The following TCF7L2 variants were observed in gnomAD, a reference collection of about 807,000 sequenced individuals.
TCF7L2 encodes transcription factor 7 like 2.
A neutral mutation model predicts 77.9 loss-of-function variants in TCF7L2; 23 were observed. That is an observed-to-expected ratio of 0.30 (90% confidence interval 0.21 to 0.42). The LOEUF is 0.42. Ranked by LOEUF, TCF7L2 falls within the 10% of genes least tolerant of loss-of-function variation. The pLI, the probability that TCF7L2 is intolerant of heterozygous loss-of-function variation, is 1.00. For synonymous variants in TCF7L2, 413 were observed against 340.2 expected, an observed-to-expected ratio of 1.21 and a Z score of -2.36; for missense variants, 654 against 793.1, an observed-to-expected ratio of 0.82 and a Z score of 2.11.
Position 113,126,522 on chromosome 10 carries a change from C to A in TCF7L2, c.553-14662C>A, listed in dbSNP as rs144669665. ...AGGCTTTGTTCTTTTGATTGAATGC[C>A]GGGGTTTGGGGGAAAAAAAGAAGAG... On this transcript the variant is annotated intron_variant, in intron 5 of 13. Coordinates refer to ENST00000627217, the MANE Select transcript of TCF7L2 (RefSeq NM_001146274.2). The A allele has an allele frequency of 1.3e-4, 127 of 977,082 alleles. No individual in the cohort carries two copies. The African/African-American group carries it at 2.1e-3, about 16-fold the overall frequency. The allele number at this position is 977,082 out of a possible 1,614,324, so 60.5% of individuals were successfully genotyped here.
In TCF7L2 at chr10:113,118,664, G is replaced by GT. The variant is rs78459197; in HGVS notation, c.553-22507dup. Among the ~76,000 whole-genome samples the GT allele has an allele frequency of 7.2e-4, 49 of 68,262 alleles. 1 individual carries two copies. In the Middle Eastern group the frequency reaches 0.019, roughly 26 times the overall value. 44.8% of individuals were successfully genotyped at this position (68,262 alleles called of 152,430 possible). Reference sequence around the variant, plus strand: ...GGAAGTTTTTTTTTTGTTTTTTTTTGTTTTTTTTTTTTTGTTTTTTTTATT... The same window carrying GT: ...GGAAGTTTTTTTTTTGTTTTTTTTTGTTTTTTTTTTTTTTGTTTTTTTTATT... On this transcript the variant is annotated intron_variant, in intron 5 of 13. Transcript: ENST00000627217.
In TCF7L2 at chr10:113,165,860, C is replaced by A; in HGVS notation, c.1697C>A (p.Ala566Asp). ...CTGCCCCCAGCCGCTTTGCAGCCTG[C>A]CGCCCCCTCCTCATCAATTGCACAG... The change falls in exon 14 of 14, where the codon GCC becomes GAC. Residue 566 changes from alanine to aspartate, a missense_variant. Coordinates refer to ENST00000627217, the MANE Select transcript of TCF7L2 (RefSeq NM_001146274.2). The A allele has an allele frequency of 3.7e-6, 6 of 1,607,168 alleles. No individual in the cohort carries two copies. The highest frequency in any genetic ancestry group is 1.7e-5 in the Admixed American group (1 of 59,330).
At chr10:113,010,847 C>T (rs562327485) in intron 4 of TCF7L2, among the ~76,000 whole-genome samples, 49 of 152,228 alleles carry the variant, frequency 3.2e-4, no homozygotes, top group African/African-American at 1.1e-3. Flanking sequence ...AACCCCATCT[C>T]GACTAAAAAT....
intron 5 of TCF7L2, among the ~76,000 whole-genome samples, chr10:113,065,210 T>C (rs2057091224): frequency 6.6e-6 from 1 of 152,208 alleles, no homozygotes; most frequent in Non-Finnish European, 1.5e-5. Context: ...TATGAGGATG[T>C]TGTTTACCAG....
At chr10:113,163,154 G>A (rs984477293) in intron 13 of TCF7L2, among the ~76,000 whole-genome samples, 3 of 152,072 alleles carry the variant, frequency 2.0e-5, no homozygotes, top group East Asian at 1.9e-4. Flanking sequence ...TTCATGTCCC[G>A]TGTTCCAGAT....
chr10:113,027,285 T>A (rs1316137422), intron 4 of TCF7L2, among the ~76,000 whole-genome samples: 3 of 152,200 alleles, frequency 2.0e-5, no homozygotes, highest in Non-Finnish European at 4.4e-5. Context: ...GAAGCAGGAA[T>A]TTGATTTGGT....
intron 7 of TCF7L2, 48 bp from the exon 8 acceptor site, chr10:113,145,963 A>ACCCC: frequency 6.3e-6 from 3 of 479,046 alleles, no homozygotes; most frequent in Non-Finnish European, 1.1e-5. Context: ...TCTTGTCCCC[A>ACCCC]CCCCCACCCT....
intron 5 of TCF7L2, among the ~76,000 whole-genome samples, chr10:113,056,761 G>T: frequency 6.6e-6 from 1 of 152,172 alleles, no homozygotes; most frequent in East Asian, 1.9e-4. Context: ...TTTACAAAGT[G>T]TACTTTTAAA....
intron 4 of TCF7L2, among the ~76,000 whole-genome samples, chr10:112,990,708 T>TAATA (rs953126462): frequency 1.6e-4 from 24 of 151,952 alleles, no homozygotes; most frequent in East Asian, 9.7e-4. Flanking sequence ...CCTGTCTCAA[T>TAATA]AATAAATAAA....
intron 5 of TCF7L2, among the ~76,000 whole-genome samples, chr10:113,053,246 G>A (rs1330835159): frequency 1.3e-5 from 2 of 152,194 alleles, no homozygotes; most frequent in African/African-American, 4.8e-5. Flanking sequence ...CATTGGCTTG[G>A]GGGAAATGGG....
At chr10:113,158,816 T>G in intron 12 of TCF7L2, 99 bp downstream of exon 13, 1 of 1,246,346 alleles carries the variant, frequency 8.0e-7, no homozygotes, top group Non-Finnish European at 1.1e-6. Flanking sequence ...GTATGACATT[T>G]GAACATTCTT....
At chr10:113,071,700 G>A (rs56810962) in intron 5 of TCF7L2, among the ~76,000 whole-genome samples, 2,545 of 152,290 alleles carry the variant, frequency 0.017, 76 homozygotes, top group African/African-American at 0.058. Context: ...ATGGCAGGGC[G>A]AGTTGTGTGT....
At chr10:113,072,536 G>C (rs545143978) in intron 5 of TCF7L2, among the ~76,000 whole-genome samples, 2 of 152,068 alleles carry the variant, frequency 1.3e-5, no homozygotes, top group East Asian at 3.9e-4. Flanking sequence ...TGTATTTTTA[G>C]TAGAGACCGG....
At chr10:113,076,458 T>C (rs1474434003) in intron 5 of TCF7L2, among the ~76,000 whole-genome samples, 1 of 152,150 alleles carries the variant, frequency 6.6e-6, no homozygotes, top group African/African-American at 2.4e-5. Flanking sequence ...GTTGTTGTTG[T>C]TAAAGTGAGA....
At chr10:113,144,116 G>C (rs958810778) in intron 7 of TCF7L2, 91 bp downstream of exon 7, 37 of 894,234 alleles carry the variant, frequency 4.1e-5, no homozygotes, top group East Asian at 1.8e-4. Flanking sequence ...GTGTGTGTGT[G>C]TGTGTGTGTG....
At chr10:112,980,718 C>T (rs2040318685) in intron 4 of TCF7L2, among the ~76,000 whole-genome samples, 1 of 152,014 alleles carries the variant, frequency 6.6e-6, no homozygotes, top group South Asian at 2.1e-4. Flanking sequence ...AGCTCCGCCT[C>T]CCGGGTTCAT....
At chr10:113,084,904 C>T (rs1180364365) in intron 5 of TCF7L2, among the ~76,000 whole-genome samples, 1 of 150,040 alleles carries the variant, frequency 6.7e-6, no homozygotes, top group African/African-American at 2.5e-5. Flanking sequence ...TCAAGCCACC[C>T]CCCCCCAAAA....
chr10:113,011,858 CTT>C (rs1403536475), intron 4 of TCF7L2, among the ~76,000 whole-genome samples: 1 of 151,484 alleles, frequency 6.6e-6, no homozygotes, highest in Non-Finnish European at 1.5e-5. Flanking sequence ...GAGTTTTGTT[CTT>C]GAGTATTGCT....
At chr10:113,126,928 C>T (rs2065736233) in intron 5 of TCF7L2, 9 of 985,306 alleles carry the variant, frequency 9.1e-6, no homozygotes, top group Non-Finnish European at 1.1e-5. Context: ...GCGCGGTGGC[C>T]GGCCCGCTGC....
Sources: gnomAD v4.1 joint callset for allele counts (sites outside exome capture counted in the v4.1 genomes callset) on GRCh38, gnomAD v4.1.1 for gene constraint, MANE v1.5 for transcripts, NCBI Gene and HGNC (gene_info 2026-07-23, HGNC 2026-07-21) for gene names.